The following LEP variants were observed in gnomAD, a reference collection of about 807,000 sequenced individuals.
LEP encodes the protein leptin, also known as leptin (murine obesity homolog).
A neutral mutation model predicts 9.8 loss-of-function variants in LEP; 6 were observed. The observed-to-expected ratio is 0.61, with a 90% confidence interval of 0.34 to 1.21. The LOEUF (loss-of-function observed/expected upper bound fraction) is 1.21. LEP is among the 50% of genes most tolerant of loss of function. The pLI, the probability that LEP is intolerant of heterozygous loss-of-function variation, is 0.04. For synonymous variants in LEP, 112 were observed against 81.7 expected (o/e 1.37, Z -2.00); for missense variants, 134 against 198.1 (o/e 0.68, Z 1.94).
chr7:128,251,484 G>A (rs1191612194), intron 1 of LEP, among the ~76,000 whole-genome samples: 2 of 152,204 alleles, frequency 1.3e-5, no homozygotes, highest in South Asian at 2.1e-4. Context: ...GCTAATGATA[G>A]GGTAATGATA....
intron 1 of LEP, among the ~76,000 whole-genome samples, chr7:128,242,997 G>T (rs571947076): frequency 2.6e-5 from 4 of 152,346 alleles, no homozygotes; most frequent in African/African-American, 7.2e-5. Context: ...AAATTTTCCG[G>T]CAGTCAGTTA....
chr7:128,243,558 C>T (rs1795176065), intron 1 of LEP, among the ~76,000 whole-genome samples: 2 of 152,146 alleles, frequency 1.3e-5, no homozygotes, highest in Admixed American at 6.5e-5. Context: ...TCCTGGCCCA[C>T]CTGGGTGCTA....
chr7:128,252,209 A>C (rs757461967), intron 2 of LEP, 47 bp downstream of exon 2: 1 of 1,603,604 alleles, frequency 6.2e-7, no homozygotes, highest in South Asian at 1.1e-5. Context: ...CCAGCCCAGC[A>C]CTGGCTCCTA....
chr7:128,248,821 C>A (rs763061532), intron 1 of LEP, among the ~76,000 whole-genome samples: 5 of 152,180 alleles, frequency 3.3e-5, no homozygotes, highest in Non-Finnish European at 5.9e-5. Context: ...TTCCACTTTC[C>A]TGTGTTTCCA....
At chr7:128,253,072 C>T (rs531816270) in intron 2 of LEP, among the ~76,000 whole-genome samples, 1 of 152,138 alleles carries the variant, frequency 6.6e-6, no homozygotes, top group Non-Finnish European at 1.5e-5. Context: ...GCTCGCCTTC[C>T]TCCCTGACTT....
chr7:128,254,761 T>C lies in LEP; in HGVS notation c.502T>C (p.Ter168ArgextTer130). ...LWQLDLSPGC* is the reference protein window; with the variant it reads ...LWQLDLSPGCR ...GCAGCTGGACCTCAGCCCTGGGTGC[T>C]GAGGCCTTGAAGGTCACTCTTCCTG... Residue 168 changes from the stop codon to arginine (R), a stop_lost, in exon 3 of 3, where the codon TGA (stop) becomes CGA (arginine). Transcript: ENST00000308868. 1 of 1,608,410 alleles carries C rather than the reference T, an allele frequency of 6.2e-7. No homozygotes were observed.
At position 128,256,248 on chromosome 7, in the gene LEP, C is replaced by G. The variant is rs1795338615; in HGVS notation, c.*1485C>G. ...AGGCCAGGCCACCAGGATGGCCCTT[C>G]CCACTGGAGGTCACATTCAGGAAGA... is the stretch of plus-strand genomic sequence containing the variant. On this transcript the variant is annotated 3_prime_UTR_variant, in exon 3 of 3. Transcript: ENST00000308868. The G allele has an allele frequency of 6.6e-6, 1 of 152,584 alleles. No homozygotes were observed. Among genetic ancestry groups the G allele is most frequent in the Non-Finnish European group, 1.5e-5 (1 of 68,070 alleles). The allele number at this position is 152,584 out of a possible 1,614,324, so 9.5% of individuals were successfully genotyped here. A position where few individuals can be genotyped will look rare whatever the true frequency, so the allele number is the denominator to read the frequency against.
intron 2 of LEP, among the ~76,000 whole-genome samples, chr7:128,252,731 AAAAT>A (rs71904498): frequency 0.11 from 16,022 of 150,950 alleles, 2,214 homozygotes; most frequent in African/African-American, 0.32. Flanking sequence ...ACCTTGTCTC[AAAAT>A]AAATAAATAA....
chr7:128,245,425 T>C lies in LEP; in HGVS notation c.-29+4119T>C, dbSNP rs544172584. Among the ~76,000 whole-genome samples, 200 of 152,372 alleles carry C rather than the reference T, an allele frequency of 1.3e-3. 8 individuals carry two copies. The South Asian group carries it at 0.041, about 31-fold the overall frequency. ...TTGTTCAAGGTCCTGTCTGTTCCAC[T>C]AGATTCTGAGCAACTTGGAGAACGA... On this transcript the variant is annotated intron_variant, in intron 1 of 2. Transcript: ENST00000308868.
At chr7:128,246,856 G>A (rs1584603766) in intron 1 of LEP, among the ~76,000 whole-genome samples, 1 of 152,120 alleles carries the variant, frequency 6.6e-6, no homozygotes, top group East Asian at 1.9e-4. Context: ...AGAAGATGGG[G>A]CAGCCAGGCC....
intron 1 of LEP, among the ~76,000 whole-genome samples, chr7:128,248,016 A>C (rs1010327097): frequency 1.3e-5 from 2 of 152,194 alleles, no homozygotes; most frequent in Non-Finnish European, 2.9e-5. Context: ...GCTCAGGCCC[A>C]ATGCGGTGGC....
intron 1 of LEP, among the ~76,000 whole-genome samples, chr7:128,251,772 T>C (rs1378923248): frequency 6.6e-6 from 1 of 152,216 alleles, no homozygotes; most frequent in Non-Finnish European, 1.5e-5. Context: ...GGATACCTCA[T>C]GGTGGTTTTA....
At chr7:128,254,379 T>C (rs1293778504) in intron 2 of LEP, 25 bp from the exon 3 acceptor site, 1 of 1,610,694 alleles carries the variant, frequency 6.2e-7, no homozygotes, top group Non-Finnish European at 8.5e-7. Flanking sequence ...GCTGAGCACT[T>C]GTTCTCCCTC....
intron 1 of LEP, among the ~76,000 whole-genome samples, chr7:128,248,723 A>C (rs1219555617): frequency 2.0e-5 from 3 of 152,238 alleles, no homozygotes; most frequent in Admixed American, 2.0e-4. Flanking sequence ...ATTTTATGTA[A>C]GTAGTTGACA....
At chr7:128,247,228 C>A (rs1795221516) in intron 1 of LEP, among the ~76,000 whole-genome samples, 1 of 152,166 alleles carries the variant, frequency 6.6e-6, no homozygotes, top group African/African-American at 2.4e-5. Context: ...TGCTCTCCTG[C>A]CACAGCTGCA....
chr7:128,257,077 T>G lies in LEP; in HGVS notation c.*2314T>G, dbSNP rs1403281322. Reference sequence around the variant, plus strand: ...AGTTTGATATTAAAGGAGTTAAGAGTAGCAAGTTCTAGAGAAGAGGCTGGT... The same window carrying G: ...AGTTTGATATTAAAGGAGTTAAGAGGAGCAAGTTCTAGAGAAGAGGCTGGT... On this transcript the variant is annotated 3_prime_UTR_variant, in exon 3 of 3. Transcript: ENST00000308868. The G allele has an allele frequency of 6.6e-6, 1 of 151,726 alleles. No individual in the cohort carries two copies. The highest frequency in any genetic ancestry group is 2.4e-5 in the African/African-American group (1 of 41,226). 9.4% of individuals were successfully genotyped at this position (151,726 alleles called of 1,614,324 possible).
rs1387602244 is a variant in LEP, at chr7:128,242,720, G to A, written c.-29+1414G>A. Among the ~76,000 whole-genome samples, 4 of 152,326 alleles carry A rather than the reference G, an allele frequency of 2.6e-5. No individual in the cohort carries two copies. The East Asian group carries it at 5.8e-4, about 22-fold the overall frequency. On this transcript the variant is annotated intron_variant, in intron 1 of 2. Coordinates refer to ENST00000308868, the MANE Select transcript of LEP (RefSeq NM_000230.3). ...AATATTTTCCTCCCCGTCCATTCCA[G>A]GAAATGGCTCCAAGTGCCAAGGACA... is the stretch of plus-strand genomic sequence containing the variant.
intron 1 of LEP, among the ~76,000 whole-genome samples, chr7:128,248,871 C>G (rs1435952101): frequency 6.6e-6 from 1 of 152,160 alleles, no homozygotes; most frequent in African/African-American, 2.4e-5. Context: ...AGTGGGCGAT[C>G]AATACATGTT....
At position 128,254,489 on chromosome 7, in the gene LEP, A is replaced by G; in HGVS notation, c.230A>G (p.Gln77Arg). The G allele has an allele frequency of 6.2e-7, 1 of 1,614,164 alleles. No homozygotes were observed. The highest frequency in any genetic ancestry group is 8.5e-7 in the Non-Finnish European group (1 of 1,180,020). ...HPILTLSKMDQTLAVYQQILT... is the reference protein window; with the variant it reads ...HPILTLSKMDRTLAVYQQILT... ...ATCCTGACCTTATCCAAGATGGACC[A>G]GACACTGGCAGTCTACCAACAGATC... is the stretch of plus-strand genomic sequence containing the variant. The change falls in exon 3 of 3, where the codon CAG becomes CGG. Residue 77 changes from glutamine (Q) to arginine (R), a missense_variant. Gln to Arg is a conservative substitution (Grantham distance 43). Transcript: ENST00000308868.
Sources: gnomAD v4.1 joint callset for allele counts (sites outside exome capture counted in the v4.1 genomes callset) on GRCh38, gnomAD v4.1.1 for gene constraint, MANE v1.5 for transcripts, NCBI Gene and HGNC (gene_info 2026-07-23, HGNC 2026-07-21) for gene names.